Variants in CD46 observed in about 807,000 individuals in gnomAD.
CD46 encodes membrane cofactor protein.
CD46 carries 30 observed loss-of-function variants against 53.3 expected under a neutral mutation model. The ratio of observed to expected loss-of-function variants is 0.56; its 90% CI spans 0.42 to 0.76. The LOEUF (loss-of-function observed/expected upper bound fraction) is 0.76. CD46 is among the 30% of genes least tolerant of loss of function. CD46 has a pLI of 0.00. For missense variants in CD46, 409 were observed against 463.0 expected (o/e 0.88, Z 1.07); for synonymous variants, 142 against 152.0 (o/e 0.93, Z 0.48).
At chr1:207,759,562 T>C in intron 3 of CD46, 77 bp from the exon 4 acceptor site, 1 of 786,480 alleles carries the variant, frequency 1.3e-6, no homozygotes, top group South Asian at 1.5e-5. Context: ...AAAGAAACCA[T>C]ATAAAAAATT....
intron 8 of CD46, among the ~76,000 whole-genome samples, chr1:207,771,130 T>C (rs533392158): frequency 3.3e-5 from 5 of 152,354 alleles, no homozygotes; most frequent in African/African-American, 9.6e-5. Context: ...TGGTTTTGAT[T>C]TGCATTTCTC....
intron 5 of CD46, chr1:207,763,238 T>C (rs1329053970): frequency 6.6e-6 from 1 of 152,366 alleles, no homozygotes; most frequent in African/African-American, 2.4e-5. Context: ...TAGGAACACG[T>C]AGTGGAGATC....
chr1:207,790,235 T>G lies in CD46; in HGVS notation c.1083-18T>G. 1 of 1,363,904 alleles carries G rather than the reference T, an allele frequency of 7.3e-7. No homozygotes were observed. Among genetic ancestry groups the G allele is most frequent in the Non-Finnish European group, 1.1e-6 (1 of 951,912 alleles). 84.5% of individuals were successfully genotyped at this position (1,363,904 alleles called of 1,614,324 possible). On this transcript the variant is annotated intron_variant, in intron 11 of 12. Transcript: ENST00000367042. ...GAAGTCACTATTTTATTCAGCCGTTTTCTCTTCCTCTGTTCAGCACATACC... is the reference window on the plus strand; with the variant it reads ...GAAGTCACTATTTTATTCAGCCGTTGTCTCTTCCTCTGTTCAGCACATACC...
chr1:207,762,510 T>C (rs1305665999), intron 5 of CD46: 1 of 152,126 alleles, frequency 6.6e-6, no homozygotes, highest in African/African-American at 2.4e-5. Context: ...TGTGTAAACC[T>C]GTAGCCAGAC....
intron 8 of CD46, among the ~76,000 whole-genome samples, chr1:207,782,640 CTTTTTTTTT>C (rs35546891): frequency 6.4e-5 from 4 of 62,604 alleles, no homozygotes; most frequent in Non-Finnish European, 8.6e-5. Flanking sequence ...ATTAATCCCT[CTTTTTTTTT>C]TTTTTTTTTT....
chr1:207,756,532 A>G (rs1655565159), intron 1 of CD46, among the ~76,000 whole-genome samples: 1 of 152,218 alleles, frequency 6.6e-6, no homozygotes, highest in African/African-American at 2.4e-5. Flanking sequence ...AGGTGAGTAT[A>G]GTAGAAAAAG....
chr1:207,772,420 C>G (rs2102622687), intron 8 of CD46, among the ~76,000 whole-genome samples: 1 of 152,264 alleles, frequency 6.6e-6, no homozygotes, highest in Non-Finnish European at 1.5e-5. Context: ...TCACCCTGGC[C>G]AGAACTTCCA....
chr1:207,784,820 C>T lies in CD46; in HGVS notation c.983-251C>T, dbSNP rs41317979. Among the ~76,000 whole-genome samples the T allele has an allele frequency of 2.7e-3, 408 of 152,182 alleles. 2 individuals carry two copies. The highest frequency in any genetic ancestry group is 9.4e-3 in the African/African-American group (389 of 41,516). On this transcript the variant is annotated intron_variant, in intron 9 of 12. Transcript: ENST00000367042. The stretch of plus-strand genomic sequence containing the variant: ...ATGAGAACCAAGTGAAGGAGGAAGC[C>T]GCTTATAAAACCATCAGATCTCGTG...
chr1:207,785,266 C>T (rs763269470), intron 10 of CD46, among the ~76,000 whole-genome samples, 160 bp downstream of exon 10: 12 of 152,144 alleles, frequency 7.9e-5, no homozygotes, highest in Non-Finnish European at 1.8e-4. Context: ...TAACTACCTA[C>T]CTTGTGTTAG....
At chr1:207,790,978 G>C (rs899943671) in intron 12 of CD46, among the ~76,000 whole-genome samples, 9 of 152,192 alleles carry the variant, frequency 5.9e-5, no homozygotes, top group African/African-American at 2.2e-4. Flanking sequence ...GGAAGAGATG[G>C]AGATACATAT....
chr1:207,763,751 A>G (rs1656508463), intron 5 of CD46, among the ~76,000 whole-genome samples: 1 of 151,732 alleles, frequency 6.6e-6, no homozygotes, highest in Non-Finnish European at 1.5e-5. Flanking sequence ...TTTAGTTGGT[A>G]CATTTCATTC....
Position 207,793,698 on chromosome 1 carries a change from A to G in CD46, c.*221A>G. Reference sequence around the variant, plus strand: ...TCATGAGTGCAACTGTGGCTTAGCTAATATTGCAATGTGGCTTGAATGTAG... The same window carrying G: ...TCATGAGTGCAACTGTGGCTTAGCTGATATTGCAATGTGGCTTGAATGTAG... On this transcript the variant is annotated 3_prime_UTR_variant, in exon 13 of 13. Transcript: ENST00000367042. The G allele has an allele frequency of 2.2e-6, 2 of 898,040 alleles. No individual in the cohort carries two copies. The highest frequency in any genetic ancestry group is 3.7e-6 in the Non-Finnish European group (2 of 542,624). The allele number at this position is 898,040 out of a possible 1,614,324, so 55.6% of individuals were successfully genotyped here.
chr1:207,786,741 ATTAC>A (rs1659304696), intron 11 of CD46, among the ~76,000 whole-genome samples: 1 of 152,142 alleles, frequency 6.6e-6, no homozygotes, highest in Admixed American at 6.5e-5. Context: ...CTTTTTTCAT[ATTAC>A]TTGGTTATCT....
At chr1:207,759,558 AC>A in intron 3 of CD46, 80 bp from the exon 4 acceptor site, 1 of 773,732 alleles carries the variant, frequency 1.3e-6, no homozygotes, top group East Asian at 2.7e-5. Context: ...TAGAAAAGAA[AC>A]CATATAAAAA....
chr1:207,763,416 G>C (rs1017814927), intron 5 of CD46, among the ~76,000 whole-genome samples: 3 of 152,110 alleles, frequency 2.0e-5, no homozygotes, highest in Admixed American at 6.5e-5. Flanking sequence ...CGTCTGCAGA[G>C]GGCAGGCCAG....
Position 207,761,718 on chromosome 1 carries a change from C to CAAA in CD46, c.673+282_673+284dup, listed in dbSNP as rs5780403. On this transcript the variant is annotated intron_variant, in intron 5 of 12. Transcript: ENST00000367042. ...GTTAGAAGTTTTTGTTTGAAAGAAC[C>CAAA]AAAAAAAAAAAATACACACTGGCTT... Among the ~76,000 whole-genome samples the CAAA allele has an allele frequency of 1.4e-3, 200 of 147,120 alleles. 2 individuals are homozygous for CAAA. The highest frequency in any genetic ancestry group is 2.4e-3 in the Admixed American group (36 of 14,748).
At chr1:207,766,197 G>A (rs1656827728) in intron 5 of CD46, among the ~76,000 whole-genome samples, 1 of 152,118 alleles carries the variant, frequency 6.6e-6, no homozygotes, top group African/African-American at 2.4e-5. Context: ...GAGAGTAATG[G>A]AACTTTTCTG....
chr1:207,767,144 G>A lies in CD46; in HGVS notation c.805G>A (p.Val269Ile), dbSNP rs1314121112. 1.2e-6 allele frequency: 2 copies of A among 1,613,910 alleles called. No homozygotes were observed. The highest frequency in any genetic ancestry group is 1.7e-6 in the Non-Finnish European group (2 of 1,179,784). The change falls in exon 6 of 13, where the codon GTC (valine) becomes ATC (isoleucine). Residue 269 changes from valine to isoleucine, a missense_variant. Coordinates refer to ENST00000367042, the MANE Select transcript of CD46 (RefSeq NM_172351.3). ...TTACCTCGATGGCAGCGACACAATT[G>A]TCTGTGACAGTAACAGTACTTGGGA... ...GFYLDGSDTI[V>I]CDSNSTWDPP... is the part of the protein sequence containing the mutation.
chr1:207,754,816 G>A (rs1655335487), intron 1 of CD46, among the ~76,000 whole-genome samples: 1 of 151,534 alleles, frequency 6.6e-6, no homozygotes, highest in Non-Finnish European at 1.5e-5. Flanking sequence ...GGAGGGTAAT[G>A]GGAGTAGGGA....
Sources: allele counts gnomAD v4.1 joint callset (sites outside exome capture counted in the v4.1 genomes callset), GRCh38; gene constraint gnomAD v4.1.1; transcripts MANE v1.5; gene names NCBI Gene and HGNC (gene_info 2026-07-23, HGNC 2026-07-21).